DGKE: variants seen among roughly 807,000 people sequenced by gnomAD.
DGKE encodes DAG kinase epsilon.
In DGKE, 53 loss-of-function variants were observed where a neutral mutation model predicts 70.0. The observed-to-expected ratio is 0.76, with a 90% CI of 0.61 to 0.95. The LOEUF (loss-of-function observed/expected upper bound fraction) is 0.95, where lower values mean the gene tolerates loss of function less well. DGKE is among the 40% of genes least tolerant of loss of function. DGKE has a pLI of 0.00. For synonymous variants in DGKE, 291 were observed against 257.0 expected (o/e 1.13, Z -1.27); for missense variants, 655 against 706.9 (o/e 0.93, Z 0.83).
At chr17:56,862,361 T>C (rs1193656232) in intron 11 of DGKE, 110 bp downstream of exon 11, 1 of 1,053,430 alleles carries the variant, frequency 9.5e-7, no homozygotes, top group African/African-American at 1.6e-5. Context: ...TTATGGCTCA[T>C]GCAGCTGGTC....
rs780844760 is a variant in DGKE, at chr17:56,845,761, G to A, written c.696G>A (p.Met232Ile). 3.1e-6 allele frequency: 5 copies of A among 1,612,348 alleles called. No individual in the cohort carries two copies. Among genetic ancestry groups the A allele is most frequent in the Admixed American group, 3.3e-5 (2 of 59,856 alleles). ...CCAACTCTCGTAGTGGAACTAATATGGGAGAAGGACTGTTGGGAGAATTTA... is the reference window on the plus strand; with the variant it reads ...CCAACTCTCGTAGTGGAACTAATATAGGAGAAGGACTGTTGGGAGAATTTA... ...ILANSRSGTN[M>I]GEGLLGEFRI... Residue 232 changes from methionine to isoleucine, a missense_variant, in exon 4 of 12, where the codon ATG (methionine) becomes ATA (isoleucine). By Grantham distance (10) the Met-to-Ile change is conservative. Transcript: ENST00000284061.
intron 4 of DGKE, among the ~76,000 whole-genome samples, chr17:56,846,654 T>A (rs2078517): frequency 0.71 from 106,971 of 150,678 alleles, 38,193 homozygotes; most frequent in East Asian, 0.91. Context: ...TACAAAAAAA[T>A]TTTAAAGACA....
intron 7 of DGKE, among the ~76,000 whole-genome samples, chr17:56,849,858 TAAAC>T (rs761616276): frequency 6.6e-6 from 1 of 152,178 alleles, no homozygotes; most frequent in East Asian, 1.9e-4. Context: ...TTCGTAGTGT[TAAAC>T]AAGAAGTTGG....
intron 2 of DGKE, among the ~76,000 whole-genome samples, chr17:56,839,551 C>G (rs961742478): frequency 3.9e-5 from 6 of 152,156 alleles, no homozygotes; most frequent in Non-Finnish European, 8.8e-5. Flanking sequence ...GGGTCTTACT[C>G]TATATTGCCT....
intron 10 of DGKE, 102 bp downstream of exon 10, chr17:56,862,020 A>C: frequency 6.6e-7 from 1 of 1,523,470 alleles, no homozygotes; most frequent in Non-Finnish European, 8.8e-7. Flanking sequence ...TTTTTTGTGT[A>C]TCTCATTAGT....
At chr17:56,848,169 T>G (rs972716389) in intron 5 of DGKE, 104 bp downstream of exon 5, 9 of 796,268 alleles carry the variant, frequency 1.1e-5, no homozygotes, top group Non-Finnish European at 1.5e-5. Flanking sequence ...TGTTGTTGTT[T>G]TTTCTTGAGA....
At chr17:56,835,796 G>C (rs370074401) in intron 2 of DGKE, 9 of 155,212 alleles carry the variant, frequency 5.8e-5, no homozygotes, top group African/African-American at 2.2e-4. Context: ...TCCTTTTGAC[G>C]CTTGGTCTTT....
intron 2 of DGKE, among the ~76,000 whole-genome samples, chr17:56,840,503 G>A (rs1323621717): frequency 6.6e-6 from 1 of 152,094 alleles, no homozygotes; most frequent in Non-Finnish European, 1.5e-5. Context: ...AGCCTCCCGA[G>A]TAGCTGGGAT....
At chr17:56,859,194 G>A (rs1243704496) in intron 9 of DGKE, among the ~76,000 whole-genome samples, 5 of 151,108 alleles carry the variant, frequency 3.3e-5, no homozygotes, top group Non-Finnish European at 7.4e-5. Flanking sequence ...GCGTGGTGGC[G>A]GGCGCCTGTA....
chr17:56,840,115 G>A (rs1348793619), intron 2 of DGKE, among the ~76,000 whole-genome samples: 1 of 152,074 alleles, frequency 6.6e-6, no homozygotes, highest in African/African-American at 2.4e-5. Context: ...TGTGAGCCGA[G>A]ATCGCGCCAT....
chr17:56,841,272 T>G (rs1301259841), intron 2 of DGKE, among the ~76,000 whole-genome samples: 2 of 151,984 alleles, frequency 1.3e-5, no homozygotes, highest in Non-Finnish European at 2.9e-5. Context: ...AAAAATTTTT[T>G]TTAAATGAAA....
rs1034389564 is a variant in DGKE, at chr17:56,867,989, C to T, written c.*5198C>T. Reference sequence around the variant, plus strand: ...GAACACTTCAGTCTCTCTAAGGATGCCCTGAGCTACCTCACTGTTAAAGGA... The same window carrying T: ...GAACACTTCAGTCTCTCTAAGGATGTCCTGAGCTACCTCACTGTTAAAGGA... On this transcript the variant is annotated 3_prime_UTR_variant, in exon 12 of 12. Coordinates refer to ENST00000284061, the MANE Select transcript of DGKE (RefSeq NM_003647.3). 1 of 152,092 alleles carries T rather than the reference C, an allele frequency of 6.6e-6. No homozygotes were observed. The highest frequency in any genetic ancestry group is 1.5e-5 in the Non-Finnish European group (1 of 68,052). 9.4% of individuals were successfully genotyped at this position (152,092 alleles called of 1,614,324 possible).
In DGKE at chr17:56,861,643, G is replaced by C. The variant is rs1421936415; in HGVS notation, c.1285-148G>C. 6 of 932,662 alleles carry C rather than the reference G, an allele frequency of 6.4e-6. No individual in the cohort carries two copies. The Admixed American group carries it at 1.6e-4, about 25-fold the overall frequency. 57.8% of individuals were successfully genotyped at this position (932,662 alleles called of 1,614,324 possible). A position where few individuals can be genotyped will look rare whatever the true frequency, so the allele number is the denominator to read the frequency against. The stretch of plus-strand genomic sequence containing the variant: ...ACTGAAGAGATAGAAAAGGGCAGAT[G>C]AGAGGCCCTGAGTGAGAGGTAGGGA... On this transcript the variant is annotated intron_variant, in intron 9 of 11. Coordinates refer to ENST00000284061, the MANE Select transcript of DGKE (RefSeq NM_003647.3).
At chr17:56,856,471 T>C (rs1284582607) in intron 7 of DGKE, 41 bp from the exon 8 acceptor site, 9 of 1,579,320 alleles carry the variant, frequency 5.7e-6, no homozygotes, top group Non-Finnish European at 6.9e-6. Context: ...CAAGCTTAGG[T>C]GGAACCATAG....
At chr17:56,861,650 C>A in intron 9 of DGKE, 141 bp from the exon 10 acceptor site, 1 of 1,035,410 alleles carries the variant, frequency 9.7e-7, no homozygotes, top group Non-Finnish European at 1.4e-6. Flanking sequence ...GATGAGAGGC[C>A]CTGAGTGAGA....
In DGKE at chr17:56,845,825, A is replaced by T; in HGVS notation, c.744+16A>T. On this transcript the variant is annotated intron_variant, in intron 4 of 11. Transcript: ENST00000284061. Reference sequence around the variant, plus strand: ...TCCAGTCCAGGTAACTAAAGAAAAAAACTTTTTATATTAATGTTTTCATTT... The same window carrying T: ...TCCAGTCCAGGTAACTAAAGAAAAATACTTTTTATATTAATGTTTTCATTT... 1 of 1,567,626 alleles carries T rather than the reference A, an allele frequency of 6.4e-7. No individual in the cohort carries two copies. Among genetic ancestry groups the T allele is most frequent in the Non-Finnish European group, 8.6e-7 (1 of 1,163,138 alleles).
intron 2 of DGKE, among the ~76,000 whole-genome samples, chr17:56,842,682 A>G (rs561599099): frequency 6.6e-6 from 1 of 152,252 alleles, no homozygotes; most frequent in Non-Finnish European, 1.5e-5. Flanking sequence ...CCAAAAGGAA[A>G]AAACAGCTTA....
rs780677163 is a variant in DGKE at position 56,845,671 on chromosome 17, T to C, written c.625-19T>C. ...TCTTTAAGATACTAAACCTTTTCACTCATGGCAATTTTTTTTAGCTAGCCT... is the reference window on the plus strand; with the variant it reads ...TCTTTAAGATACTAAACCTTTTCACCCATGGCAATTTTTTTTAGCTAGCCT... On this transcript the variant is annotated intron_variant, in intron 3 of 11. Transcript: ENST00000284061. 6.2e-7 allele frequency: 1 copy of C among 1,601,222 alleles called. No homozygotes were observed. The highest frequency in any genetic ancestry group is 2.2e-5 in the East Asian group (1 of 44,528).
chr17:56,836,263 A>G (rs941300276), intron 2 of DGKE: 1 of 152,224 alleles, frequency 6.6e-6, no homozygotes, highest in African/African-American at 2.4e-5. Context: ...TATAATGTCA[A>G]TACCTGTTTT....
Sources: allele counts gnomAD v4.1 joint callset (sites outside exome capture counted in the v4.1 genomes callset), GRCh38; gene constraint gnomAD v4.1.1; transcripts MANE v1.5; gene names NCBI Gene and HGNC (gene_info 2026-07-23, HGNC 2026-07-21).